DPH6: variants seen among roughly 807,000 people sequenced by gnomAD.
DPH6 encodes diphthine--ammonia ligase.
In DPH6, 33 loss-of-function variants were observed where a neutral mutation model predicts 38.2. The observed-to-expected ratio is 0.86, with a 90% CI of 0.65 to 1.15. The LOEUF (loss-of-function observed/expected upper bound fraction) is 1.15, where lower values mean the gene tolerates loss of function less well. Among genes scored for constraint, DPH6 ranks in the 50% most tolerant of loss-of-function variants. The probability of loss-of-function intolerance (pLI) is 0.00; values close to 1 mark genes in which losing one functional copy is unlikely to be tolerated. For synonymous variants in DPH6, 108 were observed against 103.0 expected, an observed-to-expected ratio of 1.05 and a Z score of -0.30; for missense variants, 325 against 320.0, an observed-to-expected ratio of 1.02 and a Z score of -0.12.
intron 3 of DPH6, among the ~76,000 whole-genome samples, chr15:35,522,672 T>G (rs2054939261): frequency 6.6e-6 from 1 of 152,068 alleles, no homozygotes. Context: ...TACCATTCAG[T>G]GCATTTTTAA....
intron 6 of DPH6, chr15:35,401,488 G>GA: frequency 1.3e-6 from 1 of 770,748 alleles, no homozygotes; most frequent in Admixed American, 1.7e-5. Context: ...CCAGGGCAGT[G>GA]GCTATGGCAG....
At position 35,252,753 on chromosome 15, in the gene DPH6, C is replaced by T. The variant is rs2051683168; in HGVS notation, n.201-32171G>A. Among the ~76,000 whole-genome samples the T allele has an allele frequency of 2.0e-5, 3 of 152,212 alleles. No individual in the cohort carries two copies. In the South Asian group the frequency reaches 6.2e-4, roughly 31 times the overall value. ...TAAGACAGTAGTTAATTTTCTTTCT[C>T]TTGTCTCTCCTCCTGATTTATAGAT... On this transcript the variant is annotated intron_variant and non_coding_transcript_variant, in intron 3 of 3. Transcript: ENST00000560386.
intron 5 of DPH6, among the ~76,000 whole-genome samples, chr15:35,432,166 T>C (rs1161770371): frequency 6.6e-6 from 1 of 151,974 alleles, no homozygotes; most frequent in Admixed American, 6.6e-5. Flanking sequence ...GTCTTCCAGA[T>C]AAACATAAAG....
rs1555401119 is a variant in DPH6 at position 35,430,393 on chromosome 15, G to GGA, written c.506-19498_506-19497insTC. On this transcript the variant is annotated intron_variant, in intron 5 of 8. Transcript: ENST00000256538. Reference sequence around the variant, plus strand: ...TGATATGTTAAACAACCTTCATACTGAAAAAAAAAAAAAATGCAATTATTG... The same window carrying GGA: ...TGATATGTTAAACAACCTTCATACTGGAAAAAAAAAAAAAAATGCAATTATTG... Among the ~76,000 whole-genome samples, 3 of 137,678 alleles carry GGA rather than the reference G, an allele frequency of 2.2e-5. No individual in the cohort carries two copies. The East Asian group carries it at 6.2e-4, about 28-fold the overall frequency. 90.3% of individuals were successfully genotyped at this position (137,678 alleles called of 152,430 possible).
At chr15:35,511,237 A>G (rs1023463469) in intron 3 of DPH6, among the ~76,000 whole-genome samples, 6 of 152,192 alleles carry the variant, frequency 3.9e-5, no homozygotes, top group Non-Finnish European at 7.3e-5. Context: ...GACATAAAAC[A>G]GTGAAGGGAC....
intron 3 of DPH6, among the ~76,000 whole-genome samples, chr15:35,276,322 TC>T (rs1223896936): frequency 6.6e-6 from 1 of 152,238 alleles, no homozygotes; most frequent in African/African-American, 2.4e-5. Flanking sequence ...CATTGTAGAT[TC>T]TGGATATTAG....
intron 5 of DPH6, among the ~76,000 whole-genome samples, chr15:35,415,123 T>C (rs531588933): frequency 1.4e-4 from 21 of 151,916 alleles, no homozygotes; most frequent in Non-Finnish European, 3.1e-4. Flanking sequence ...TACAATTACG[T>C]TTTTCACATT....
At chr15:35,272,974 T>G (rs1395029731) in intron 3 of DPH6, among the ~76,000 whole-genome samples, 2 of 151,570 alleles carry the variant, frequency 1.3e-5, no homozygotes, top group African/African-American at 2.4e-5. Context: ...TGCTCCCATG[T>G]GATATACCAG....
At chr15:35,145,758 A>T in the DPH6 span, among the ~76,000 whole-genome samples, 5 of 152,182 alleles carry the variant, frequency 3.3e-5, no homozygotes, top group East Asian at 9.6e-4. Flanking sequence ...CCAGCCATCA[A>T]AGAATTATTT....
chr15:35,149,551 T>C, the DPH6 span, among the ~76,000 whole-genome samples: 1 of 152,296 alleles, frequency 6.6e-6, no homozygotes, highest in Admixed American at 6.5e-5. Context: ...AAGTCTTCTT[T>C]AGTCAAGCTA....
In DPH6 at chr15:35,542,578, T is replaced by G. The variant is rs2055269629; in HGVS notation, c.24-71A>C. The G allele has an allele frequency of 5.2e-6, 7 of 1,350,974 alleles. No homozygotes were observed. The South Asian group carries it at 9.7e-5, about 19-fold the overall frequency. The allele number at this position is 1,350,974 out of a possible 1,614,324, so 83.7% of individuals were successfully genotyped here. ...TTATTCAACATAAAATCACTAGATA[T>G]CAAAACAGAACATATCATTTACTTG... On this transcript the variant is annotated intron_variant, in intron 1 of 8. Transcript: ENST00000256538.
the DPH6 span, among the ~76,000 whole-genome samples, chr15:35,195,581 CA>C: frequency 6.6e-6 from 1 of 152,040 alleles, no homozygotes; most frequent in African/African-American, 2.4e-5. Context: ...TCTATAGATC[CA>C]GCTTCTTAGG....
chr15:35,157,371 G>A, the DPH6 span, among the ~76,000 whole-genome samples: 1 of 151,946 alleles, frequency 6.6e-6, no homozygotes, highest in South Asian at 2.1e-4. Flanking sequence ...TCTAATGTTG[G>A]CTTCATGAAT....
At chr15:35,282,953 A>G (rs1283127740) in intron 3 of DPH6, 2 of 317,200 alleles carry the variant, frequency 6.3e-6, no homozygotes, top group Non-Finnish European at 1.3e-5. Flanking sequence ...TGACATGTTC[A>G]GGCTTGGCCT....
chr15:35,452,547 G>A (rs1371399466), intron 4 of DPH6, among the ~76,000 whole-genome samples: 1 of 151,672 alleles, frequency 6.6e-6, no homozygotes, highest in Non-Finnish European at 1.5e-5. Flanking sequence ...ACCATGTTTG[G>A]TCATTTATTC....
chr15:35,447,070 C>T (rs920325009), intron 5 of DPH6, among the ~76,000 whole-genome samples: 8 of 151,908 alleles, frequency 5.3e-5, no homozygotes, highest in African/African-American at 1.9e-4. Context: ...GGGGTTTCAC[C>T]GTGTTAGACA....
chr15:35,385,670 A>C (rs567497223), intron 6 of DPH6, among the ~76,000 whole-genome samples: 14 of 151,984 alleles, frequency 9.2e-5, no homozygotes, highest in Non-Finnish European at 1.9e-4. Context: ...TGTAGATAAC[A>C]GGTTGATGGT....
At chr15:35,243,828 G>A (rs2051617606) in intron 3 of DPH6, among the ~76,000 whole-genome samples, 1 of 152,150 alleles carries the variant, frequency 6.6e-6, no homozygotes, top group Admixed American at 6.5e-5. Flanking sequence ...TCCCACGGAC[G>A]CGCATGAAAA....
At chr15:35,158,847 C>A in the DPH6 span, among the ~76,000 whole-genome samples, 3 of 152,042 alleles carry the variant, frequency 2.0e-5, no homozygotes, top group Non-Finnish European at 4.4e-5. Context: ...TGACTTTACT[C>A]ACCTAGAACA....
Sources: gnomAD v4.1 joint callset for allele counts (sites outside exome capture counted in the v4.1 genomes callset) on GRCh38, gnomAD v4.1.1 for gene constraint, MANE v1.5 for transcripts, NCBI Gene and HGNC (gene_info 2026-07-23, HGNC 2026-07-21) for gene names.